The following DCC variants were observed in gnomAD, a reference collection of about 807,000 sequenced individuals.
DCC encodes DCC netrin 1 receptor, also known as netrin receptor DCC.
Under a neutral mutation model 172.5 loss-of-function variants are expected in DCC, and 58 were observed. The observed-to-expected ratio is 0.34, with a 90% CI of 0.27 to 0.42. The LOEUF (loss-of-function observed/expected upper bound fraction) is 0.42, where lower values mean the gene tolerates loss of function less well. Ranked by LOEUF, DCC falls within the 10% of genes least tolerant of loss-of-function variation. DCC has a pLI of 1.00. For synonymous variants in DCC, 709 were observed against 644.5 expected, an observed-to-expected ratio of 1.10 and a Z score of -1.52; for missense variants, 1,740 against 1,791.0, an observed-to-expected ratio of 0.97 and a Z score of 0.51.
At chr18:52,927,875 A>G (rs191714495) in intron 5 of DCC, among the ~76,000 whole-genome samples, 1 of 152,216 alleles carries the variant, frequency 6.6e-6, no homozygotes, top group African/African-American at 2.4e-5. Context: ...CAAATAACTT[A>G]AAGTAGAATT....
At chr18:52,969,908 A>G (rs148764745) in intron 5 of DCC, among the ~76,000 whole-genome samples, 29 of 152,248 alleles carry the variant, frequency 1.9e-4, no homozygotes, top group Middle Eastern at 3.4e-3. Flanking sequence ...GAATGAGAGA[A>G]TGATAGAGAT....
At position 52,715,569 on chromosome 18, in the gene DCC, T is replaced by C. The variant is rs570800115; in HGVS notation, c.92-36485T>C. On this transcript the variant is annotated intron_variant, in intron 1 of 28. Coordinates refer to ENST00000442544, the MANE Select transcript of DCC (RefSeq NM_005215.4). Reference sequence around the variant, plus strand: ...ATCTGCCTGCCTCAGCCTCCCAATATGCTGGGATTACAGGAATGTGCCACC... The same window carrying C: ...ATCTGCCTGCCTCAGCCTCCCAATACGCTGGGATTACAGGAATGTGCCACC... Among the ~76,000 whole-genome samples, 10 of 152,252 alleles carry C rather than the reference T, an allele frequency of 6.6e-5. No individual in the cohort carries two copies. The South Asian group carries it at 2.1e-3, about 32-fold the overall frequency.
At chr18:53,442,620 A>G (rs1912344388) in intron 22 of DCC, among the ~76,000 whole-genome samples, 1 of 152,176 alleles carries the variant, frequency 6.6e-6, no homozygotes, top group Non-Finnish European at 1.5e-5. Context: ...CATGTCTCTC[A>G]CTTTAAAATT....
intron 2 of DCC, among the ~76,000 whole-genome samples, chr18:52,856,633 A>AAAAAAAAAAAAAG (rs2039059450): frequency 6.7e-6 from 1 of 149,772 alleles, no homozygotes; most frequent in African/African-American, 2.5e-5. Context: ...CTCAAAAAAA[A>AAAAAAAAAAAAAG]AAAAAAAAAA....
At chr18:52,917,487 G>A (rs2040059816) in intron 3 of DCC, among the ~76,000 whole-genome samples, 1 of 152,126 alleles carries the variant, frequency 6.6e-6, no homozygotes, top group Non-Finnish European at 1.5e-5. Context: ...AACAGTTTGG[G>A]ATTCACTGTC....
At chr18:53,398,364 A>G (rs1568106665) in intron 18 of DCC, among the ~76,000 whole-genome samples, 2 of 152,108 alleles carry the variant, frequency 1.3e-5, no homozygotes, top group Non-Finnish European at 2.9e-5. Flanking sequence ...ACTTCTTTCA[A>G]CAAGAAGATT....
chr18:52,947,542 T>A (rs927565676), intron 5 of DCC, among the ~76,000 whole-genome samples: 4 of 152,206 alleles, frequency 2.6e-5, no homozygotes, highest in African/African-American at 9.7e-5. Flanking sequence ...ACTGACCTCA[T>A]TACACTCTGC....
intron 5 of DCC, among the ~76,000 whole-genome samples, chr18:53,057,561 A>G (rs563968930): frequency 5.9e-5 from 9 of 152,242 alleles, no homozygotes; most frequent in African/African-American, 1.9e-4. Context: ...AATGTGGACA[A>G]TTTATTTCTG....
chr18:52,460,023 G>A (rs904507906), intron 1 of DCC, among the ~76,000 whole-genome samples: 3 of 151,788 alleles, frequency 2.0e-5, no homozygotes, highest in Non-Finnish European at 4.4e-5. Context: ...ATGAACTTAC[G>A]TGTGCATATT....
intron 21 of DCC, among the ~76,000 whole-genome samples, chr18:53,418,946 C>CT (rs1350566257): frequency 2.0e-5 from 3 of 152,004 alleles, no homozygotes; most frequent in East Asian, 1.9e-4. Context: ...TATAATTCTC[C>CT]TTTTTTGCAT....
chr18:53,506,367 T>C (rs1350676307), intron 27 of DCC, among the ~76,000 whole-genome samples: 8 of 152,170 alleles, frequency 5.3e-5, no homozygotes, highest in African/African-American at 1.7e-4. Flanking sequence ...ATGAAATAAC[T>C]TACAAATTCA....
chr18:52,764,779 T>A (rs1412461675), intron 2 of DCC, among the ~76,000 whole-genome samples: 2 of 152,196 alleles, frequency 1.3e-5, no homozygotes, highest in African/African-American at 4.8e-5. Context: ...TCTAAGACAA[T>A]TTTCCATGTA....
intron 8 of DCC, among the ~76,000 whole-genome samples, chr18:53,176,427 C>T (rs1197228047): frequency 6.8e-6 from 1 of 147,882 alleles, no homozygotes; most frequent in Non-Finnish European, 1.5e-5. Flanking sequence ...ACAACCTACT[C>T]ATCTGACAAA....
intron 1 of DCC, among the ~76,000 whole-genome samples, chr18:52,661,154 A>T (rs1220482993): frequency 1.3e-5 from 2 of 152,136 alleles, no homozygotes; most frequent in Non-Finnish European, 2.9e-5. Flanking sequence ...AATAACTACA[A>T]CTCGCTGCTG....
At chr18:52,966,622 G>A (rs2145578130) in intron 5 of DCC, among the ~76,000 whole-genome samples, 1 of 152,214 alleles carries the variant, frequency 6.6e-6, no homozygotes, top group Admixed American at 6.5e-5. Context: ...GATTCTTGGG[G>A]GCTTTTCTCC....
intron 12 of DCC, among the ~76,000 whole-genome samples, chr18:53,295,354 A>G (rs1051501437): frequency 3.3e-5 from 5 of 152,174 alleles, no homozygotes; most frequent in African/African-American, 1.2e-4. Context: ...TCATATTGAT[A>G]TTTTATCAAA....
intron 7 of DCC, among the ~76,000 whole-genome samples, chr18:53,126,648 AAG>A (rs1486782076): frequency 6.6e-6 from 1 of 152,126 alleles, no homozygotes; most frequent in Non-Finnish European, 1.5e-5. Flanking sequence ...TGGAGAATAA[AAG>A]AGTACAGATT....
chr18:52,367,156 C>T (rs8089977), intron 1 of DCC, among the ~76,000 whole-genome samples: 7,516 of 152,314 alleles, frequency 0.049, 592 homozygotes, highest in African/African-American at 0.17. Context: ...TGTGCTAAGC[C>T]CCTCATTGCC....
chr18:53,464,446 G>C (rs1158850775), intron 24 of DCC, among the ~76,000 whole-genome samples: 1 of 152,004 alleles, frequency 6.6e-6, no homozygotes, highest in South Asian at 2.1e-4. Context: ...ATTAAATCCT[G>C]TATTTAAATT....
Sources: allele counts gnomAD v4.1 joint callset (sites outside exome capture counted in the v4.1 genomes callset), GRCh38; gene constraint gnomAD v4.1.1; transcripts MANE v1.5; gene names NCBI Gene and HGNC (gene_info 2026-07-23, HGNC 2026-07-21).